Variants in RSF1 observed in about 807,000 individuals in gnomAD.
RSF1 encodes remodeling and spacing factor 1.
In RSF1, 13 loss-of-function variants were observed where a neutral mutation model predicts 145.2. That is an observed-to-expected ratio of 0.09 (90% CI 0.06 to 0.14). The LOEUF (loss-of-function observed/expected upper bound fraction) is 0.14. Among genes scored for constraint, RSF1 ranks in the 10% least tolerant of loss-of-function variants. The pLI is 1.00. For missense variants in RSF1, 1,517 were observed against 1,718.2 expected (o/e 0.88, Z 2.07); for synonymous variants, 577 against 592.6 (o/e 0.97, Z 0.38).
chr11:77,805,222 T>A (rs1948665694), intron 1 of RSF1, among the ~76,000 whole-genome samples: 1 of 152,108 alleles, frequency 6.6e-6, no homozygotes, highest in Non-Finnish European at 1.5e-5. Context: ...GTACTCCCCA[T>A]GCTTTGGAGG....
intron 9 of RSF1, among the ~76,000 whole-genome samples, chr11:77,689,569 T>C (rs1392284291): frequency 6.6e-6 from 1 of 152,230 alleles, no homozygotes; most frequent in Non-Finnish European, 1.5e-5. Flanking sequence ...ACCATGTTCC[T>C]GTATTGCTTT....
intron 2 of RSF1, among the ~76,000 whole-genome samples, chr11:77,757,812 A>G (rs1948130975): frequency 1.3e-5 from 2 of 152,212 alleles, no homozygotes; most frequent in Admixed American, 6.5e-5. Flanking sequence ...ATGAAGCTTG[A>G]GCTACGCTGT....
chr11:77,701,556 G>A lies in RSF1; in HGVS notation c.1673C>T (p.Ser558Phe). 6.2e-7 allele frequency: 1 copy of A among 1,614,030 alleles called. No homozygotes were observed. The highest frequency in any genetic ancestry group is 2.2e-5 in the East Asian group (1 of 44,882). Residue 558 changes from serine to phenylalanine, a missense_variant, in exon 6 of 16, where the codon TCC (serine) becomes TTC (phenylalanine). Coordinates refer to ENST00000308488, the MANE Select transcript of RSF1 (RefSeq NM_016578.4). The stretch of plus-strand genomic sequence containing the variant: ...ACCTTTCATGGTACACGACTCGGTG[G>A]AAGATAAAGCAGTTTTTGAAGAGAG... The part of the protein sequence containing the change: ...KDLSSKTALS[S>F]TESCTMKGEE...
Position 77,700,846 on chromosome 11 carries a change from T to G in RSF1, c.2383A>C (p.Lys795Gln). 6.2e-7 allele frequency: 1 copy of G among 1,613,704 alleles called. No individual in the cohort carries two copies. The highest frequency in any genetic ancestry group is 1.1e-5 in the South Asian group (1 of 91,078). The change falls in exon 6 of 16, where the codon AAA (lysine) becomes CAA (glutamine). Residue 795 changes from lysine to glutamine, a missense_variant. Around this residue, in one of 12 missense-constraint regions of RSF1, gnomAD observed 579 missense variants for 553.5 expected, o/e 1.05. Transcript: ENST00000308488. ...TAKVAEIRDQ[K>Q]ADKKRGEGED... ...CCTTCCCCTCTTTTTTTATCAGCTT[T>G]CTGATCTCTGATCTCAGCCACTTTT... is the stretch of plus-strand genomic sequence containing the variant.
chr11:77,794,760 G>A (rs1948554940), intron 1 of RSF1, among the ~76,000 whole-genome samples: 2 of 152,078 alleles, frequency 1.3e-5, no homozygotes, highest in Non-Finnish European at 2.9e-5. Context: ...ATATGTACAA[G>A]TTGAAAAACT....
chr11:77,752,939 T>C (rs868100373), intron 2 of RSF1, among the ~76,000 whole-genome samples: 1 of 152,160 alleles, frequency 6.6e-6, no homozygotes, highest in African/African-American at 2.4e-5. Flanking sequence ...TTGTCCTCAC[T>C]GCTACATTCC....
At chr11:77,788,999 T>C (rs1948489186) in intron 1 of RSF1, among the ~76,000 whole-genome samples, 1 of 151,856 alleles carries the variant, frequency 6.6e-6, no homozygotes, top group African/African-American at 2.4e-5. Context: ...AAGCAAGACC[T>C]TATCTCAAAA....
At chr11:77,866,703 C>T in the RSF1 span, 6 of 151,110 alleles carry the variant, frequency 4.0e-5, no homozygotes, top group Non-Finnish European at 7.4e-5. Context: ...AATGTGAGCT[C>T]TGGGTGAGAG....
chr11:77,747,862 G>T (rs58393579), intron 2 of RSF1, among the ~76,000 whole-genome samples: 26,842 of 152,046 alleles, frequency 0.18, 2,979 homozygotes, highest in African/African-American at 0.29. Flanking sequence ...AGTTTTTTCA[G>T]CAATAAAACT....
rs1342555843 is a variant in RSF1 at position 77,666,925 on chromosome 11, G to A, written c.4318C>T (p.Gln1440Ter). 1.9e-6 allele frequency: 3 copies of A among 1,548,002 alleles called. No individual in the cohort carries two copies. The highest frequency in any genetic ancestry group is 2.6e-6 in the Non-Finnish European group (3 of 1,144,436). The change falls in exon 16 of 16, where the codon CAG (glutamine) becomes TAG (stop). Residue 1440 changes from glutamine to a stop codon, truncating the protein, a stop_gained. Coordinates refer to ENST00000308488, the MANE Select transcript of RSF1 (RefSeq NM_016578.4). LOFTEE classifies it high-confidence loss of function. ...AAAATGGAAAAAAAGTCTTATAACTGTTCACTGTTACAGACATAATCAACA... is the reference window on the plus strand; with the variant it reads ...AAAATGGAAAAAAAGTCTTATAACTATTCACTGTTACAGACATAATCAACA... ...DLVDYVCNSE[Q>*]L
chr11:77,730,092 G>A (rs572187068), intron 4 of RSF1, among the ~76,000 whole-genome samples: 119 of 151,988 alleles, frequency 7.8e-4, no homozygotes, highest in African/African-American at 2.7e-3. Context: ...AATTAAGTAG[G>A]TATTAAATTA....
intron 1 of RSF1, among the ~76,000 whole-genome samples, chr11:77,784,418 T>A (rs974030538): frequency 2.6e-5 from 4 of 152,160 alleles, no homozygotes; most frequent in African/African-American, 9.7e-5. Flanking sequence ...ATTATAATAC[T>A]TATTTTACTG....
rs571579258 is a variant in RSF1 at position 77,732,753 on chromosome 11, C to T, written c.579-7054G>A. Among the ~76,000 whole-genome samples the T allele has an allele frequency of 1.4e-3, 215 of 152,326 alleles. 1 individual carries two copies. The highest frequency in any genetic ancestry group is 3.5e-3 in the African/African-American group (146 of 41,582). ...CTTGCCTTCTGCCATAATTCTGAGGCCTGCCCAGCCACATGGAACTGTAAG... is the reference window on the plus strand; with the variant it reads ...CTTGCCTTCTGCCATAATTCTGAGGTCTGCCCAGCCACATGGAACTGTAAG... On this transcript the variant is annotated intron_variant, in intron 4 of 15. Coordinates refer to ENST00000308488, the MANE Select transcript of RSF1 (RefSeq NM_016578.4).
chr11:77,701,790 A>G lies in RSF1; in HGVS notation c.1439T>C (p.Ile480Thr). The change falls in exon 6 of 16, where the codon ATC becomes ACC. Residue 480 changes from isoleucine to threonine, a missense_variant. By Grantham distance (89) the Ile-to-Thr change is moderately conservative. Transcript: ENST00000308488. ...CTCTGTTCCATTTCCCTCCGTGATG[A>G]TATTTCTGTCCTTAGAGGGGCTATA... ...ESYSPSKDRN[I>T]ITEGNGTESL... 1 of 1,613,954 alleles carries G rather than the reference A, an allele frequency of 6.2e-7. No homozygotes were observed. The highest frequency in any genetic ancestry group is 8.5e-7 in the Non-Finnish European group (1 of 1,179,968).
At chr11:77,719,013 TG>T (rs1451920806) in intron 5 of RSF1, among the ~76,000 whole-genome samples, 3 of 151,730 alleles carry the variant, frequency 2.0e-5, no homozygotes, top group Admixed American at 1.3e-4. Context: ...TGTTGGGAGA[TG>T]GGGGGGAGGA....
chr11:77,673,750 TAAAG>T (rs1179583244), intron 14 of RSF1, among the ~76,000 whole-genome samples: 1 of 152,124 alleles, frequency 6.6e-6, no homozygotes, highest in Non-Finnish European at 1.5e-5. Context: ...GGAAAAATAA[TAAAG>T]AGACTCAGAA....
At chr11:77,746,749 A>C (rs1948006582) in intron 3 of RSF1, among the ~76,000 whole-genome samples, 1 of 152,212 alleles carries the variant, frequency 6.6e-6, no homozygotes, top group South Asian at 2.1e-4. Flanking sequence ...CACAGTTTAC[A>C]GTATATAGTA....
In RSF1 at chr11:77,701,248, C is replaced by T. The variant is rs375033886; in HGVS notation, c.1981G>A (p.Val661Met). 5 of 1,614,002 alleles carry T rather than the reference C, an allele frequency of 3.1e-6. No homozygotes were observed. Among genetic ancestry groups the T allele is most frequent in the African/African-American group, 1.3e-5 (1 of 74,922 alleles). ...AGGGTTTCTAGGTCTACTTTTTTCA[C>T]AGACTGGCCACCAACAGTACTTGTA... ...QSTSTVGGQSVKKVDLETLKE... is the reference protein window; with the variant it reads ...QSTSTVGGQSMKKVDLETLKE... Residue 661 changes from valine to methionine, a missense_variant, in exon 6 of 16, where the codon GTG (valine) becomes ATG (methionine). By Grantham distance (21) the Val-to-Met change is conservative. Transcript: ENST00000308488.
At chr11:77,860,167 T>C in the RSF1 span, among the ~76,000 whole-genome samples, 1 of 152,244 alleles carries the variant, frequency 6.6e-6, no homozygotes, top group Non-Finnish European at 1.5e-5. Flanking sequence ...GTTGGCAAGC[T>C]TAACACTGGG....
Sources: gnomAD v4.1 joint callset for allele counts (sites outside exome capture counted in the v4.1 genomes callset) on GRCh38, gnomAD v4.1.1 for gene constraint, gnomAD v4.1.1 regional missense constraint, MANE v1.5 for transcripts, NCBI Gene and HGNC (gene_info 2026-07-23, HGNC 2026-07-21) for gene names.